The following DNAH14 variants were observed in gnomAD, a reference collection of about 807,000 sequenced individuals.
The protein encoded by DNAH14 is axonemal beta dynein heavy chain 14.
In DNAH14, 478 loss-of-function variants were observed where a neutral mutation model predicts 520.9. The observed-to-expected ratio is 0.92, with a 90% CI of 0.85 to 0.99. The LOEUF (loss-of-function observed/expected upper bound fraction) is 0.99. Among genes scored for constraint, DNAH14 ranks in the 50% least tolerant of loss-of-function variants. The pLI is 0.00. For synonymous variants in DNAH14, 1,581 were observed against 1,757.2 expected (o/e 0.90, Z 2.51); for missense variants, 4,831 against 5,234.5 (o/e 0.92, Z 2.38).
chr1:225,379,535 AT>A (rs540579760), intron 79 of DNAH14, among the ~76,000 whole-genome samples: 6 of 149,232 alleles, frequency 4.0e-5, no homozygotes, highest in Non-Finnish European at 4.5e-5. Flanking sequence ...CTTTTTTTAA[AT>A]TTTTTTTTTG....
chr1:225,358,746 AC>A, intron 74 of DNAH14, 94 bp downstream of exon 74: 2 of 1,330,914 alleles, frequency 1.5e-6, no homozygotes, highest in Non-Finnish European at 2.0e-6. Flanking sequence ...CATAATCCCC[AC>A]ATGTCAAGGG....
chr1:225,386,155 G>A (rs915116426), intron 81 of DNAH14, among the ~76,000 whole-genome samples: 1 of 152,196 alleles, frequency 6.6e-6, no homozygotes, highest in African/African-American at 2.4e-5. Flanking sequence ...AATAAATGGT[G>A]CTGGGAAAAC....
At chr1:225,338,382 C>T (rs1374446439) in intron 68 of DNAH14, 200 bp downstream of exon 68, 3 of 722,236 alleles carry the variant, frequency 4.2e-6, no homozygotes, top group Non-Finnish European at 7.3e-6. Context: ...CAAGTCACTC[C>T]AAACCAACAC....
At chr1:225,013,735 A>G (rs2064990549) in intron 10 of DNAH14, among the ~76,000 whole-genome samples, 2 of 152,108 alleles carry the variant, frequency 1.3e-5, no homozygotes, top group South Asian at 4.1e-4. Flanking sequence ...CAAACTTCCC[A>G]GGGGCTTTGT....
At position 225,380,151 on chromosome 1, in the gene DNAH14, T is replaced by G. The variant is rs780321700; in HGVS notation, c.12717-8T>G. On this transcript the variant is annotated splice_polypyrimidine_tract_variant and splice_region_variant and intron_variant, in intron 79 of 85. Transcript: ENST00000682510. ...TGTGTCTCATTCTTCTCTTGGTTTT[T>G]TTTGCAGACCTGAGCAGAGTAAGGA... The G allele has an allele frequency of 1.9e-6, 3 of 1,541,448 alleles. No individual in the cohort carries two copies. Among genetic ancestry groups the G allele is most frequent in the Non-Finnish European group, 8.7e-7 (1 of 1,142,892 alleles).
chr1:225,125,622 G>A (rs1245705037), intron 27 of DNAH14, among the ~76,000 whole-genome samples: 1 of 152,124 alleles, frequency 6.6e-6, no homozygotes, highest in Non-Finnish European at 1.5e-5. Context: ...TTTTTCTTAA[G>A]GAAATGTTAT....
At chr1:225,003,655 T>G (rs913551325) in intron 9 of DNAH14, among the ~76,000 whole-genome samples, 1 of 152,196 alleles carries the variant, frequency 6.6e-6, no homozygotes, top group East Asian at 1.9e-4. Flanking sequence ...TGCTCACCAA[T>G]AGTCTTTGAG....
At chr1:225,230,775 A>G (rs1368505149) in intron 41 of DNAH14, among the ~76,000 whole-genome samples, 2 of 152,192 alleles carry the variant, frequency 1.3e-5, no homozygotes, top group African/African-American at 2.4e-5. Flanking sequence ...AATGTTTCAA[A>G]GTTTACATTT....
At chr1:225,342,353 G>A (rs2095204226) in intron 69 of DNAH14, among the ~76,000 whole-genome samples, 1 of 152,126 alleles carries the variant, frequency 6.6e-6, no homozygotes. Context: ...ACTACTTGCT[G>A]ATGAGGTCTC....
chr1:225,189,565 T>C (rs2085153674), intron 37 of DNAH14, among the ~76,000 whole-genome samples: 1 of 151,804 alleles, frequency 6.6e-6, no homozygotes, highest in Admixed American at 6.6e-5. Context: ...TTTTGAGATT[T>C]TCTATTTCTT....
chr1:225,115,921 T>G (rs1239894803), intron 23 of DNAH14, among the ~76,000 whole-genome samples: 1 of 152,178 alleles, frequency 6.6e-6, no homozygotes, highest in African/African-American at 2.4e-5. Flanking sequence ...TATTACAATG[T>G]GATGTATGCT....
chr1:225,365,815 CAGAG>C (rs1325587957), intron 76 of DNAH14, among the ~76,000 whole-genome samples: 6 of 152,044 alleles, frequency 3.9e-5, no homozygotes, highest in African/African-American at 1.4e-4. Context: ...TGAAGGGTGT[CAGAG>C]AGGGACAGAA....
chr1:225,240,217 T>C (rs1574227866), intron 42 of DNAH14, among the ~76,000 whole-genome samples: 2 of 151,310 alleles, frequency 1.3e-5, no homozygotes, highest in Non-Finnish European at 1.5e-5. Flanking sequence ...AAATGAAACA[T>C]TTTTATGTAA....
chr1:224,993,761 CG>C (rs1430666892), intron 8 of DNAH14, among the ~76,000 whole-genome samples: 1 of 151,740 alleles, frequency 6.6e-6, no homozygotes. Context: ...TTTCTGAAGG[CG>C]TAACATTAAG....
chr1:225,259,322 C>G lies in DNAH14; in HGVS notation c.7157+69C>G, dbSNP rs74790793. 1.1e-3 allele frequency: 1,226 copies of G among 1,133,308 alleles called. 14 individuals carry two copies. In the African/African-American group the frequency reaches 0.017, roughly 16 times the overall value. 70.2% of individuals were successfully genotyped at this position (1,133,308 alleles called of 1,614,324 possible). The stretch of plus-strand genomic sequence containing the variant: ...AAGTGTGCTTTAATATATAAATATG[C>G]CTGTTTTTAAAAAAAGCAAATCTGT... On this transcript the variant is annotated intron_variant, in intron 46 of 85. Coordinates refer to ENST00000682510, the MANE Select transcript of DNAH14 (RefSeq NM_001367479.1).
intron 37 of DNAH14, among the ~76,000 whole-genome samples, chr1:225,185,659 A>C (rs1334048887): frequency 6.6e-6 from 1 of 151,884 alleles, no homozygotes; most frequent in African/African-American, 2.4e-5. Flanking sequence ...TTAATAAATG[A>C]ACTTTTAATT....
Position 225,097,149 on chromosome 1 carries a change from C to T in DNAH14, c.3605C>T (p.Thr1202Ile). Residue 1202 changes from threonine to isoleucine, a missense_variant, in exon 22 of 86, where the codon ACT becomes ATT. Coordinates refer to ENST00000682510, the MANE Select transcript of DNAH14 (RefSeq NM_001367479.1). ...GTGAATGAATGGGATCAAAACTTGA[C>T]TCTCTTCTCTTACACCCTTGAGGAA... ...DLVNEWDQNL[T>I]LFSYTLEEWM... 1 of 1,549,930 alleles carries T rather than the reference C, an allele frequency of 6.5e-7. No homozygotes were observed. The highest frequency in any genetic ancestry group is 8.7e-7 in the Non-Finnish European group (1 of 1,146,000).
chr1:225,184,413 A>G (rs924962303), intron 36 of DNAH14, among the ~76,000 whole-genome samples: 1 of 152,162 alleles, frequency 6.6e-6, no homozygotes, highest in African/African-American at 2.4e-5. Context: ...TGAGACTAGG[A>G]GTTCAAGACC....
At chr1:225,187,273 C>T (rs1226487123) in intron 37 of DNAH14, among the ~76,000 whole-genome samples, 1 of 151,726 alleles carries the variant, frequency 6.6e-6, no homozygotes, top group African/African-American at 2.4e-5. Flanking sequence ...ATTTTTATCA[C>T]CCCAGGAGAA....
Sources: gnomAD v4.1 joint callset for allele counts (sites outside exome capture counted in the v4.1 genomes callset) on GRCh38, gnomAD v4.1.1 for gene constraint, MANE v1.5 for transcripts, NCBI Gene and HGNC (gene_info 2026-07-23, HGNC 2026-07-21) for gene names.